Variants in TYR observed in about 807,000 individuals in gnomAD.
TYR encodes the protein tyrosinase.
Under a neutral mutation model 51.5 loss-of-function variants are expected in TYR, and 58 were observed. That is an observed-to-expected ratio of 1.13 (90% CI 0.91 to 1.40). TYR has a LOEUF of 1.40. TYR is among the 40% of genes most tolerant of loss of function. The pLI, the probability that TYR is intolerant of heterozygous loss-of-function variation, is 0.00. For synonymous variants in TYR, 263 were observed against 235.2 expected, an observed-to-expected ratio of 1.12 and a Z score of -1.08; for missense variants, 732 against 647.4, an observed-to-expected ratio of 1.13 and a Z score of -1.42.
intron 3 of TYR, among the ~76,000 whole-genome samples, chr11:89,265,889 T>G (rs921472538): frequency 1.3e-5 from 2 of 151,836 alleles, no homozygotes; most frequent in East Asian, 3.9e-4. Flanking sequence ...GAATAGAGGA[T>G]TAGAAGAGTA....
chr11:89,209,889 G>C (rs1252079427), intron 2 of TYR, among the ~76,000 whole-genome samples: 4 of 152,130 alleles, frequency 2.6e-5, no homozygotes, highest in African/African-American at 9.7e-5. Flanking sequence ...CTGTTACAAG[G>C]AAAACTAACT....
At chr11:89,237,395 T>G (rs1356150606) in intron 3 of TYR, among the ~76,000 whole-genome samples, 2 of 152,156 alleles carry the variant, frequency 1.3e-5, no homozygotes, top group African/African-American at 4.8e-5. Flanking sequence ...GTGAGATAAG[T>G]GTCTAATTTC....
intron 2 of TYR, among the ~76,000 whole-genome samples, chr11:89,208,469 A>T (rs1367464280): frequency 6.6e-6 from 1 of 152,190 alleles, no homozygotes; most frequent in Non-Finnish European, 1.5e-5. Context: ...ATCCAAGATA[A>T]TATCAACAGT....
intron 3 of TYR, among the ~76,000 whole-genome samples, chr11:89,258,291 C>G (rs1944418682): frequency 6.6e-6 from 1 of 151,592 alleles, no homozygotes; most frequent in Admixed American, 6.6e-5. Context: ...ATTGTGTTTC[C>G]ATATTAGCTA....
chr11:89,237,323 TCA>T (rs1026764807), intron 3 of TYR, among the ~76,000 whole-genome samples: 1 of 152,178 alleles, frequency 6.6e-6, no homozygotes, highest in African/African-American at 2.4e-5. Flanking sequence ...TCTAGCAGTT[TCA>T]CAGTTTCAGG....
intron 2 of TYR, among the ~76,000 whole-genome samples, chr11:89,212,127 C>T (rs1430995049): frequency 6.6e-6 from 1 of 151,986 alleles, no homozygotes; most frequent in Non-Finnish European, 1.5e-5. Context: ...ACAAGAAAAT[C>T]CCTTCAAAAA....
intron 1 of TYR, among the ~76,000 whole-genome samples, chr11:89,181,438 T>G (rs1943297737): frequency 6.6e-6 from 1 of 152,188 alleles, no homozygotes; most frequent in Non-Finnish European, 1.5e-5. Context: ...AAAACGCATG[T>G]TCTGTAATAA....
intron 3 of TYR, among the ~76,000 whole-genome samples, chr11:89,271,089 C>T (rs1944582967): frequency 6.6e-6 from 1 of 151,604 alleles, no homozygotes; most frequent in South Asian, 2.1e-4. Flanking sequence ...TTTAAAGAAC[C>T]CCTATGGAAG....
At chr11:89,277,246 T>C (rs925375317) in intron 3 of TYR, among the ~76,000 whole-genome samples, 5 of 151,584 alleles carry the variant, frequency 3.3e-5, no homozygotes, top group Non-Finnish European at 5.9e-5. Flanking sequence ...AAATAAATAA[T>C]AATAAAAGAA....
At chr11:89,265,563 C>T (rs1300726455) in intron 3 of TYR, among the ~76,000 whole-genome samples, 3 of 152,136 alleles carry the variant, frequency 2.0e-5, no homozygotes, top group East Asian at 3.9e-4. Context: ...TATCACAAGT[C>T]CATTTGGTTT....
rs34029150 is a variant in TYR at position 89,194,650 on chromosome 11, TTCTATCTATCTA to T, written c.1036+3255_1036+3266del. ...ACTATTAGCAAAAATCCTCCATTTT[TTCTATCTATCTA>T]TCTATCTATCTATCTATCTATCATC... On this transcript the variant is annotated intron_variant, in intron 2 of 4. Coordinates refer to ENST00000263321, the MANE Select transcript of TYR (RefSeq NM_000372.5). Among the ~76,000 whole-genome samples the T allele has an allele frequency of 6.8e-4, 103 of 150,610 alleles. 3 individuals carry two copies. The South Asian group carries it at 0.016, about 23-fold the overall frequency.
chr11:89,246,114 T>C (rs1281082227), intron 3 of TYR, among the ~76,000 whole-genome samples: 3 of 151,714 alleles, frequency 2.0e-5, no homozygotes, highest in Non-Finnish European at 4.4e-5. Context: ...AGGCACTAGC[T>C]TAGGAACTGA....
intron 3 of TYR, among the ~76,000 whole-genome samples, chr11:89,278,697 C>T (rs1315138246): frequency 2.0e-5 from 3 of 151,542 alleles, no homozygotes; most frequent in East Asian, 3.9e-4. Context: ...TTAACATCTT[C>T]CCTTGGTATG....
intron 2 of TYR, chr11:89,191,915 A>T: frequency 3.0e-6 from 1 of 335,232 alleles, no homozygotes; most frequent in South Asian, 2.3e-5. Context: ...TTTCATTTCC[A>T]GAACATTTTG....
intron 3 of TYR, among the ~76,000 whole-genome samples, chr11:89,256,104 T>A (rs1337024129): frequency 1.3e-5 from 2 of 151,784 alleles, no homozygotes; most frequent in African/African-American, 4.8e-5. Flanking sequence ...CAATGACCTA[T>A]ATCTGCACAT....
intron 2 of TYR, among the ~76,000 whole-genome samples, chr11:89,213,415 C>G (rs1311810611): frequency 6.6e-6 from 1 of 152,026 alleles, no homozygotes; most frequent in Non-Finnish European, 1.5e-5. Context: ...GGACTACAAA[C>G]CATGGTTCAA....
At chr11:89,239,298 A>C (rs191921686) in intron 3 of TYR, among the ~76,000 whole-genome samples, 1 of 151,940 alleles carries the variant, frequency 6.6e-6, no homozygotes, top group African/African-American at 2.4e-5. Flanking sequence ...TTCATGATTC[A>C]GTTTTGGACA....
At chr11:89,220,501 A>C (rs1207916110) in intron 2 of TYR, among the ~76,000 whole-genome samples, 2 of 152,180 alleles carry the variant, frequency 1.3e-5, no homozygotes, top group Admixed American at 1.3e-4. Flanking sequence ...TATCCAAACT[A>C]TATCATTACT....
chr11:89,191,320 C>T lies in TYR; in HGVS notation c.938C>T (p.Pro313Leu). 1 of 1,613,728 alleles carries T rather than the reference C, an allele frequency of 6.2e-7. No individual in the cohort carries two copies. Among genetic ancestry groups the T allele is most frequent in the Non-Finnish European group, 8.5e-7 (1 of 1,179,790 alleles). ...NHDKSRTPRL[P>L]SSADVEFCLS... ...GACAAATCCAGAACCCCAAGGCTCCCCTCTTCAGCTGATGTAGAATTTTGC... is the reference window on the plus strand; with the variant it reads ...GACAAATCCAGAACCCCAAGGCTCCTCTCTTCAGCTGATGTAGAATTTTGC... The change falls in exon 2 of 5, where the codon CCC (proline) becomes CTC (leucine). Residue 313 changes from proline to leucine, a missense_variant. Coordinates refer to ENST00000263321, the MANE Select transcript of TYR (RefSeq NM_000372.5).
Sources: allele counts gnomAD v4.1 joint callset (sites outside exome capture counted in the v4.1 genomes callset), GRCh38; gene constraint gnomAD v4.1.1; transcripts MANE v1.5; gene names NCBI Gene and HGNC (gene_info 2026-07-23, HGNC 2026-07-21).